Variants in MMAB observed in about 807,000 individuals in gnomAD.
MMAB encodes metabolism of cobalamin associated B.
In MMAB, 17 loss-of-function variants were observed where a neutral mutation model predicts 30.6. That is an observed-to-expected ratio of 0.56 (90% confidence interval 0.38 to 0.83). The LOEUF is 0.83. Among genes scored for constraint, MMAB ranks in the 40% least tolerant of loss-of-function variants. MMAB has a pLI of 0.00. For missense variants in MMAB, 311 were observed against 331.6 expected (o/e 0.94, Z 0.48); for synonymous variants, 134 against 138.6 (o/e 0.97, Z 0.23).
chr12:109,554,103 G>A lies in MMAB; in HGVS notation c.*2925C>T, dbSNP rs540657571. 4.4e-6 allele frequency: 2 copies of A among 454,124 alleles called. No individual in the cohort carries two copies. Among genetic ancestry groups the A allele is most frequent in the African/African-American group, 2.0e-5 (1 of 50,132 alleles). 28.1% of individuals were successfully genotyped at this position (454,124 alleles called of 1,614,324 possible). On this transcript the variant is annotated 3_prime_UTR_variant, in exon 9 of 9. Transcript: ENST00000545712. ...GACTGTCAAGCGGCAGTGGGTGGGA[G>A]CTGAGGAGCACGGGGCTGTGAGTGA...
chr12:109,561,834 C>G lies in MMAB; in HGVS notation c.367G>C (p.Asp123His). The G allele has an allele frequency of 6.2e-7, 1 of 1,607,750 alleles. No individual in the cohort carries two copies. Among genetic ancestry groups the G allele is most frequent in the East Asian group, 2.2e-5 (1 of 44,740 alleles). The change falls in exon 5 of 9, where the codon GAC becomes CAC. Residue 123 changes from aspartate (D) to histidine (H), a missense_variant. Transcript: ENST00000545712. The surrounding 1 kb of genome is among the most constrained non-coding windows in gnomAD (Gnocchi z 5.3). The part of the protein sequence containing the change: ...ELQKIQCTLQ[D>H]VGSALATPCS... The stretch of plus-strand genomic sequence containing the variant: ...GGTGTCGCCAGGGCCGAGCCGACGT[C>G]CTGCAATGTGCACTGGATCTGGGGG...
chr12:109,572,915 G>A (rs1447908052), intron 1 of MMAB, among the ~76,000 whole-genome samples: 1 of 152,188 alleles, frequency 6.6e-6, no homozygotes, highest in African/African-American at 2.4e-5. Flanking sequence ...CCCATTCGAA[G>A]GTTAATTTCC....
Position 109,569,796 on chromosome 12 carries a change from C to G in MMAB, c.197-933G>C, listed in dbSNP as rs1027460324. ...ACTCTATGACTATGACGGTTCGAGA[C>G]CAAGACAAGGCCACTGCGGAAGAAC... is the stretch of plus-strand genomic sequence containing the variant. On this transcript the variant is annotated intron_variant, in intron 2 of 8. Coordinates refer to ENST00000545712, the MANE Select transcript of MMAB (RefSeq NM_052845.4). This position sits in a 1 kb window ranked among gnomAD's most constrained non-coding sequence, Gnocchi z 4.1. Among the ~76,000 whole-genome samples the G allele has an allele frequency of 6.6e-6, 1 of 152,212 alleles. No homozygotes were observed. The highest frequency in any genetic ancestry group is 2.4e-5 in the African/African-American group (1 of 41,446).
Position 109,556,116 on chromosome 12 carries a change from G to A in MMAB, c.*912C>T, listed in dbSNP as rs1169238043. The A allele has an allele frequency of 1.3e-5, 6 of 453,632 alleles. No individual in the cohort carries two copies. The highest frequency in any genetic ancestry group is 4.0e-5 in the African/African-American group (2 of 49,984). 28.1% of individuals were successfully genotyped at this position (453,632 alleles called of 1,614,324 possible). On this transcript the variant is annotated 3_prime_UTR_variant, in exon 9 of 9. Transcript: ENST00000545712. ...GGACACTGCTGGCACTGGCAGTGTC[G>A]TTTCATAGCAGGAGGGAGCAGCAGT...
chr12:109,559,815 G>A (rs1208183805), intron 7 of MMAB, among the ~76,000 whole-genome samples: 1 of 152,202 alleles, frequency 6.6e-6, no homozygotes, highest in Non-Finnish European at 1.5e-5. Flanking sequence ...CCCACCCAAA[G>A]CCATGCACCC....
In MMAB at chr12:109,569,672, G is replaced by C. The variant is rs1884570001; in HGVS notation, c.197-809C>G. ...GTTTGGAGCTGGCTTTCGCTATCGG[G>C]CAGGCTTTGGGGTTGCCAGGTGCCG... On this transcript the variant is annotated intron_variant, in intron 2 of 8. Coordinates refer to ENST00000545712, the MANE Select transcript of MMAB (RefSeq NM_052845.4). This position sits in a 1 kb window ranked among gnomAD's most constrained non-coding sequence, Gnocchi z 4.1. Among the ~76,000 whole-genome samples the C allele has an allele frequency of 6.6e-6, 1 of 152,194 alleles. No homozygotes were observed. Among genetic ancestry groups the C allele is most frequent in the Non-Finnish European group, 1.5e-5 (1 of 68,040 alleles).
chr12:109,571,378 A>G (rs1300587093), intron 2 of MMAB, among the ~76,000 whole-genome samples: 1 of 151,826 alleles, frequency 6.6e-6, no homozygotes, highest in Non-Finnish European at 1.5e-5. Context: ...CCTCCCAAGT[A>G]GCTGCTGGGG....
At chr12:109,570,045 T>C in intron 2 of MMAB, 2 of 278,114 alleles carry the variant, frequency 7.2e-6, no homozygotes, top group South Asian at 2.7e-5. Context: ...GCAGATCACT[T>C]GAGGCCAGGA....
chr12:109,565,007 G>A, intron 4 of MMAB, 112 bp downstream of exon 4: 2 of 854,530 alleles, frequency 2.3e-6, no homozygotes, highest in South Asian at 1.3e-5. Flanking sequence ...GCTCACAGAG[G>A]GAGAGTAACT....
Position 109,569,451 on chromosome 12 carries a change from C to A in MMAB, c.197-588G>T, listed in dbSNP as rs1487996876. ...CAAGGGTTAGCCACTATGCTCACTT[C>A]TTTCCTGATGTGCTTTTCAACTTAA... On this transcript the variant is annotated intron_variant, in intron 2 of 8. Coordinates refer to ENST00000545712, the MANE Select transcript of MMAB (RefSeq NM_052845.4). This position sits in a 1 kb window ranked among gnomAD's most constrained non-coding sequence, Gnocchi z 4.1. 6.6e-6 allele frequency among the ~76,000 whole-genome samples: 1 copy of A among 152,242 alleles called. No individual in the cohort carries two copies. The highest frequency in any genetic ancestry group is 2.4e-5 in the African/African-American group (1 of 41,458).
In MMAB at chr12:109,556,648, T is replaced by TCTCTCTCTCTCTCA. The variant is rs1555273916; in HGVS notation, c.*379_*380insTGAGAGAGAGAGAG. 1 of 299,376 alleles carries TCTCTCTCTCTCTCA rather than the reference T, an allele frequency of 3.3e-6. No individual in the cohort carries two copies. The highest frequency in any genetic ancestry group is 3.0e-5 in the African/African-American group (1 of 33,092). 18.5% of individuals were successfully genotyped at this position (299,376 alleles called of 1,614,324 possible). ...GAGCTGGCAGTGGGAGGGCTCTCTCTCACACACACACACACACACACACAC... is the reference window on the plus strand; with the variant it reads ...GAGCTGGCAGTGGGAGGGCTCTCTCTCTCTCTCTCTCTCACACACACACACACACACACACACAC... On this transcript the variant is annotated 3_prime_UTR_variant, in exon 9 of 9. Coordinates refer to ENST00000545712, the MANE Select transcript of MMAB (RefSeq NM_052845.4).
chr12:109,559,648 A>T (rs1392826387), intron 7 of MMAB, among the ~76,000 whole-genome samples: 1 of 152,246 alleles, frequency 6.6e-6, no homozygotes, highest in African/African-American at 2.4e-5. Flanking sequence ...CCTGGGGTCC[A>T]TGCCAGTCTA....
rs765654869 is a variant in MMAB at position 109,569,708 on chromosome 12, C to T, written c.197-845G>A. 1.3e-5 allele frequency among the ~76,000 whole-genome samples: 2 copies of T among 152,188 alleles called. No individual in the cohort carries two copies. Among genetic ancestry groups the T allele is most frequent in the Non-Finnish European group, 2.9e-5 (2 of 68,044 alleles). On this transcript the variant is annotated intron_variant, in intron 2 of 8. Coordinates refer to ENST00000545712, the MANE Select transcript of MMAB (RefSeq NM_052845.4). This position sits in a 1 kb window ranked among gnomAD's most constrained non-coding sequence, Gnocchi z 4.1. ...GGTTGCCAGGTGCCGGCCTGGCACT[C>T]ACAGGTAGACTGTGGTGTTCTGCTG... is the stretch of plus-strand genomic sequence containing the variant.
chr12:109,553,929 C>T lies in MMAB; in HGVS notation c.*3099G>A, dbSNP rs1188282032. The T allele has an allele frequency of 2.2e-6, 1 of 453,866 alleles. No homozygotes were observed. The highest frequency in any genetic ancestry group is 4.4e-6 in the Non-Finnish European group (1 of 226,786). The allele number at this position is 453,866 out of a possible 1,614,324, so 28.1% of individuals were successfully genotyped here. ...GGACGTTTGTCATTGGGATGTGTTA[C>T]AAGTTCGGGCTGTGGAAATTACTCG... is the stretch of plus-strand genomic sequence containing the variant. On this transcript the variant is annotated 3_prime_UTR_variant, in exon 9 of 9. Transcript: ENST00000545712.
rs753594412 is a variant in MMAB at position 109,555,286 on chromosome 12, T to TTGTTTGTTTGTTTG, written c.*1741_*1742insCAAACAAACAAACA. 193 of 353,866 alleles carry TTGTTTGTTTGTTTG rather than the reference T, an allele frequency of 5.5e-4. 1 individual carries two copies. The highest frequency in any genetic ancestry group is 2.6e-3 in the Admixed American group (85 of 32,118). The allele number at this position is 353,866 out of a possible 1,614,324, so 21.9% of individuals were successfully genotyped here. A position where few individuals can be genotyped will look rare whatever the true frequency, so the allele number is the denominator to read the frequency against. ...ATTGCGTTTTCAGGGTTTTTTTTTT[T>TTGTTTGTTTGTTTG]TTTTTTTTTTTTTTGTGACGGAGTC... On this transcript the variant is annotated 3_prime_UTR_variant, in exon 9 of 9. Transcript: ENST00000545712.
chr12:109,560,799 C>T (rs1323417162), intron 7 of MMAB, among the ~76,000 whole-genome samples: 2 of 152,190 alleles, frequency 1.3e-5, no homozygotes, highest in Admixed American at 6.5e-5. Flanking sequence ...CAACATGGTG[C>T]TCTGAGGACA....
intron 2 of MMAB, among the ~76,000 whole-genome samples, chr12:109,570,584 T>C (rs1353998756): frequency 2.0e-5 from 3 of 152,202 alleles, no homozygotes; most frequent in African/African-American, 2.4e-5. Context: ...AATGGTATAC[T>C]GTCTTGGTGC....
chr12:109,557,214 G>A lies in MMAB; in HGVS notation c.645-78C>T, dbSNP rs1184346133. 2.5e-5 allele frequency: 24 copies of A among 977,788 alleles called. 2 individuals carry two copies. The highest frequency in any genetic ancestry group is 2.0e-4 in the Middle Eastern group (1 of 4,882). 60.6% of individuals were successfully genotyped at this position (977,788 alleles called of 1,614,324 possible). On this transcript the variant is annotated intron_variant, in intron 8 of 8. Coordinates refer to ENST00000545712, the MANE Select transcript of MMAB (RefSeq NM_052845.4). Reference sequence around the variant, plus strand: ...ACGCTAACTGGGTCTTCCCATATCCGCCTACAAGGAGGAGATATAAATGAC... The same window carrying A: ...ACGCTAACTGGGTCTTCCCATATCCACCTACAAGGAGGAGATATAAATGAC...
Position 109,556,532 on chromosome 12 carries a change from C to T in MMAB, c.*496G>A. The T allele has an allele frequency of 2.2e-6, 1 of 454,040 alleles. No homozygotes were observed. Among genetic ancestry groups the T allele is most frequent in the Admixed American group, 2.3e-5 (1 of 42,572 alleles). 28.1% of individuals were successfully genotyped at this position (454,040 alleles called of 1,614,324 possible). A position where few individuals can be genotyped will look rare whatever the true frequency, so the allele number is the denominator to read the frequency against. ...CAAATCTTGTCCGCCTTCCCCTTTA[C>T]AAATGTGACATTTAAAGCACCTTTG... On this transcript the variant is annotated 3_prime_UTR_variant, in exon 9 of 9. Transcript: ENST00000545712.
Sources: gnomAD v4.1 joint callset for allele counts (sites outside exome capture counted in the v4.1 genomes callset) on GRCh38, gnomAD v4.1.1 for gene constraint, Gnocchi (gnomAD v3.1) non-coding constraint, MANE v1.5 for transcripts, NCBI Gene and HGNC (gene_info 2026-07-23, HGNC 2026-07-21) for gene names.